Variants in BARX2 observed in about 807,000 individuals in gnomAD.
BARX2 encodes the protein BARX homeobox 2.
In BARX2, 11 loss-of-function variants were observed where a neutral mutation model predicts 25.5. The ratio of observed to expected loss-of-function variants is 0.43; its 90% CI spans 0.27 to 0.71. The LOEUF (loss-of-function observed/expected upper bound fraction) is 0.71. Among genes scored for constraint, BARX2 ranks in the 30% least tolerant of loss-of-function variants. The pLI is 0.19. For synonymous variants in BARX2, 137 were observed against 149.5 expected (o/e 0.92, Z 0.61); for missense variants, 360 against 359.9 (o/e 1.00, Z 0.00).
At chr11:129,395,924 G>A (rs936954540) in intron 1 of BARX2, among the ~76,000 whole-genome samples, 7 of 152,072 alleles carry the variant, frequency 4.6e-5, no homozygotes, top group Non-Finnish European at 7.4e-5. Context: ...CCTGAATCTC[G>A]TGTGGACAAA....
rs73569111 is a variant in BARX2, at chr11:129,390,163, C to T, written c.187+13941C>T. ...GTTCTCACCTTCTATGGTGCAAAGG[C>T]ATCGCCAGTGAACAGGGTGATGCCT... On this transcript the variant is annotated intron_variant, in intron 1 of 3. Coordinates refer to ENST00000281437, the MANE Select transcript of BARX2 (RefSeq NM_003658.5). This position sits in a 1 kb window ranked among gnomAD's most constrained non-coding sequence, Gnocchi z 4.3. Among the ~76,000 whole-genome samples the T allele has an allele frequency of 0.032, 4,874 of 152,252 alleles. 260 individuals carry two copies. Among genetic ancestry groups the T allele is most frequent in the African/African-American group, 0.11 (4,610 of 41,520 alleles).
chr11:129,408,204 A>T (rs1229696109), intron 1 of BARX2, among the ~76,000 whole-genome samples: 1 of 152,030 alleles, frequency 6.6e-6, no homozygotes, highest in Non-Finnish European at 1.5e-5. Context: ...AGCTAAAGAG[A>T]TTGGATTCCT....
chr11:129,445,078 G>A (rs553193093), intron 3 of BARX2, among the ~76,000 whole-genome samples: 37 of 152,212 alleles, frequency 2.4e-4, no homozygotes, highest in Non-Finnish European at 4.3e-4. Context: ...GAATGGATTC[G>A]GTTAAATAGT....
At chr11:129,442,403 G>A (rs945933393) in intron 2 of BARX2, among the ~76,000 whole-genome samples, 4 of 152,176 alleles carry the variant, frequency 2.6e-5, no homozygotes, top group East Asian at 1.9e-4. Flanking sequence ...ATCACCTGCC[G>A]GAGGTGGGAC....
intron 1 of BARX2, among the ~76,000 whole-genome samples, chr11:129,408,455 G>A (rs187812779): frequency 6.6e-6 from 1 of 152,316 alleles, no homozygotes; most frequent in East Asian, 1.9e-4. Context: ...CCCGCACAGG[G>A]ATGCTTAGCT....
At chr11:129,431,782 G>A (rs4489753) in intron 1 of BARX2, among the ~76,000 whole-genome samples, 1 of 151,996 alleles carries the variant, frequency 6.6e-6, no homozygotes. Context: ...TTTTGATGAA[G>A]ACCAGTTTTT....
At chr11:129,413,364 T>G (rs559017555) in intron 1 of BARX2, among the ~76,000 whole-genome samples, 3 of 152,246 alleles carry the variant, frequency 2.0e-5, no homozygotes, top group African/African-American at 7.2e-5. Flanking sequence ...CCACTATCTG[T>G]AGGACCAGAG....
Position 129,375,978 on chromosome 11 carries a change from C to G in BARX2, c.-58C>G. On this transcript the variant is annotated 5_prime_UTR_variant, in exon 1 of 4. Coordinates refer to ENST00000281437, the MANE Select transcript of BARX2 (RefSeq NM_003658.5). This position sits in a 1 kb window ranked among gnomAD's most constrained non-coding sequence, Gnocchi z 4.0. Reference sequence around the variant, plus strand: ...CGCCGTCGCGCCAGCCCCGCGGCCCCAGCGGGCCGGGCACTCGCAGCCGCG... The same window carrying G: ...CGCCGTCGCGCCAGCCCCGCGGCCCGAGCGGGCCGGGCACTCGCAGCCGCG... 9.3e-7 allele frequency: 1 copy of G among 1,077,506 alleles called. No individual in the cohort carries two copies. Among genetic ancestry groups the G allele is most frequent in the Non-Finnish European group, 1.1e-6 (1 of 885,252 alleles). 66.7% of individuals were successfully genotyped at this position (1,077,506 alleles called of 1,614,324 possible).
At chr11:129,389,344 A>C (rs1861645088) in intron 1 of BARX2, among the ~76,000 whole-genome samples, 1 of 152,136 alleles carries the variant, frequency 6.6e-6, no homozygotes, top group South Asian at 2.1e-4. Context: ...ACTCCAGGGC[A>C]TTTTTCTGGG....
rs1411046802 is a variant in BARX2 at position 129,390,772 on chromosome 11, G to C, written c.187+14550G>C. Among the ~76,000 whole-genome samples the C allele has an allele frequency of 1.3e-5, 2 of 152,212 alleles. No homozygotes were observed. Among genetic ancestry groups the C allele is most frequent in the Non-Finnish European group, 2.9e-5 (2 of 68,038 alleles). On this transcript the variant is annotated intron_variant, in intron 1 of 3. Transcript: ENST00000281437. The surrounding 1 kb of genome is among the most constrained non-coding windows in gnomAD (Gnocchi z 4.3). The stretch of plus-strand genomic sequence containing the variant: ...TTCTGATTGGGCAATGGCCTGGCCA[G>C]CCACACAGGTAGCCCAATCATCATA...
In BARX2 at chr11:129,390,892, G is replaced by A. The variant is rs568288403; in HGVS notation, c.187+14670G>A. Among the ~76,000 whole-genome samples, 5 of 152,170 alleles carry A rather than the reference G, an allele frequency of 3.3e-5. No individual in the cohort carries two copies. Among genetic ancestry groups the A allele is most frequent in the South Asian group, 2.1e-4 (1 of 4,830 alleles). On this transcript the variant is annotated intron_variant, in intron 1 of 3. Coordinates refer to ENST00000281437, the MANE Select transcript of BARX2 (RefSeq NM_003658.5). This position sits in a 1 kb window ranked among gnomAD's most constrained non-coding sequence, Gnocchi z 4.3. ...ACAATAATGGTATTCATGCAGTGGC[G>A]CACAGAAAATTGTGTGTACTTGACG... is the stretch of plus-strand genomic sequence containing the variant.
At position 129,401,970 on chromosome 11, in the gene BARX2, G is replaced by A. The variant is rs1257061817; in HGVS notation, c.187+25748G>A. 1.7e-4 allele frequency among the ~76,000 whole-genome samples: 25 copies of A among 142,874 alleles called. 1 individual carries two copies. In the South Asian group the frequency reaches 4.3e-3, roughly 24 times the overall value. The allele number at this position is 142,874 out of a possible 152,430, so 93.7% of individuals were successfully genotyped here. ...GACTCTGTCTCAAAAAAAAAAAAAAGCATTCAAAGAAATGAAGGCCAACTT... is the reference window on the plus strand; with the variant it reads ...GACTCTGTCTCAAAAAAAAAAAAAAACATTCAAAGAAATGAAGGCCAACTT... On this transcript the variant is annotated intron_variant, in intron 1 of 3. Transcript: ENST00000281437.
intron 1 of BARX2, among the ~76,000 whole-genome samples, chr11:129,430,772 C>A (rs956005023): frequency 4.3e-4 from 65 of 152,288 alleles, no homozygotes; most frequent in African/African-American, 1.5e-3. Flanking sequence ...CCTGTAATGT[C>A]CTATAATAGA....
At chr11:129,417,571 C>G (rs1861958541) in intron 1 of BARX2, among the ~76,000 whole-genome samples, 1 of 152,180 alleles carries the variant, frequency 6.6e-6, no homozygotes, top group Admixed American at 6.5e-5. Flanking sequence ...GTCAAAAATC[C>G]TCTTTTCTGT....
chr11:129,408,903 GAGA>G (rs1859123945), intron 1 of BARX2, among the ~76,000 whole-genome samples: 3 of 152,104 alleles, frequency 2.0e-5, no homozygotes, highest in African/African-American at 7.2e-5. Context: ...TTTATTACAT[GAGA>G]AGGTTTCCAT....
chr11:129,421,165 A>G (rs973555751), intron 1 of BARX2, among the ~76,000 whole-genome samples: 2 of 152,164 alleles, frequency 1.3e-5, no homozygotes, highest in African/African-American at 4.8e-5. Flanking sequence ...ACCGATGTGC[A>G]TTGTGTTGCA....
intron 1 of BARX2, among the ~76,000 whole-genome samples, chr11:129,387,935 A>G (rs1861631089): frequency 1.3e-5 from 2 of 152,200 alleles, no homozygotes; most frequent in African/African-American, 4.8e-5. Context: ...GTGAATCTCA[A>G]GGAGGTTAAG....
intron 1 of BARX2, among the ~76,000 whole-genome samples, chr11:129,387,200 C>G (rs1202575480): frequency 6.6e-6 from 1 of 152,190 alleles, no homozygotes; most frequent in Non-Finnish European, 1.5e-5. Context: ...TCCAGTGAAA[C>G]CTTATTCCTC....
At chr11:129,410,976 G>A (rs1445861276) in intron 1 of BARX2, among the ~76,000 whole-genome samples, 4 of 152,164 alleles carry the variant, frequency 2.6e-5, no homozygotes, top group South Asian at 2.1e-4. Context: ...TTGTTTCCAA[G>A]TACATTCTTA....
Sources: allele counts gnomAD v4.1 joint callset (sites outside exome capture counted in the v4.1 genomes callset), GRCh38; gene constraint gnomAD v4.1.1; non-coding constraint Gnocchi (gnomAD v3.1); transcripts MANE v1.5; gene names NCBI Gene and HGNC (gene_info 2026-07-23, HGNC 2026-07-21).